PCDH15: variants seen among roughly 807,000 people sequenced by gnomAD.
PCDH15 encodes protocadherin-15.
In PCDH15, 129 loss-of-function variants were observed where a neutral mutation model predicts 178.5. The ratio of observed to expected loss-of-function variants is 0.72; its 90% CI spans 0.63 to 0.84. PCDH15 has a LOEUF of 0.84. Ranked by LOEUF, PCDH15 falls within the 40% of genes least tolerant of loss-of-function variation. The probability of loss-of-function intolerance (pLI) is 0.00; values close to 1 mark genes in which losing one functional copy is unlikely to be tolerated. For synonymous variants in PCDH15, 800 were observed against 732.0 expected (o/e 1.09, Z -1.50); for missense variants, 2,230 against 2,099.9 (o/e 1.06, Z -1.21).
chr10:53,949,816 G>A (rs751664443), intron 23 of PCDH15, among the ~76,000 whole-genome samples: 18 of 152,088 alleles, frequency 1.2e-4, no homozygotes, highest in Non-Finnish European at 2.5e-4. Flanking sequence ...CTGCTCACTT[G>A]CTATTTCTTT....
At chr10:55,550,297 T>C (rs1181892497) in intron 2 of PCDH15, among the ~76,000 whole-genome samples, 1 of 152,198 alleles carries the variant, frequency 6.6e-6, no homozygotes, top group Non-Finnish European at 1.5e-5. Context: ...TTATCTCTCA[T>C]TTAAGGAGAT....
intron 2 of PCDH15, among the ~76,000 whole-genome samples, chr10:54,573,680 T>C (rs1193048353): frequency 1.0e-5 from 1 of 100,108 alleles, no homozygotes; most frequent in African/African-American, 3.5e-5. Context: ...TCACAGCTTC[T>C]ATTAGGTAGC....
intron 27 of PCDH15, among the ~76,000 whole-genome samples, chr10:53,865,352 C>T (rs1037821851): frequency 6.6e-6 from 1 of 151,984 alleles, no homozygotes; most frequent in Non-Finnish European, 1.5e-5. Flanking sequence ...TGAGAGAACA[C>T]AATGGAAGTT....
In PCDH15 at chr10:53,920,382, A is replaced by T. The variant is rs1207347352; in HGVS notation, c.3374-17012T>A. ...TAGTGGATAAATTATGTAAAAGTGCATATAAGTGTATGTATAGATACTATA... is the reference window on the plus strand; with the variant it reads ...TAGTGGATAAATTATGTAAAAGTGCTTATAAGTGTATGTATAGATACTATA... On this transcript the variant is annotated intron_variant, in intron 25 of 37. Coordinates refer to ENST00000644397, the MANE Select transcript of PCDH15 (RefSeq NM_001384140.1). 7.2e-5 allele frequency among the ~76,000 whole-genome samples: 11 copies of T among 152,200 alleles called. No homozygotes were observed. The East Asian group carries it at 2.1e-3, about 29-fold the overall frequency.
chr10:55,548,898 TAA>T (rs960994997), intron 2 of PCDH15, among the ~76,000 whole-genome samples: 4 of 152,096 alleles, frequency 2.6e-5, no homozygotes, highest in African/African-American at 9.6e-5. Flanking sequence ...AAGGTTTGAG[TAA>T]AAGAGATAAA....
intron 3 of PCDH15, among the ~76,000 whole-genome samples, chr10:54,448,540 A>G (rs2136253461): frequency 6.6e-6 from 1 of 151,812 alleles, no homozygotes; most frequent in Middle Eastern, 3.4e-3. Flanking sequence ...CATTAAGAAG[A>G]ATCTAATGGA....
At chr10:55,507,163 T>C (rs898828956) in intron 2 of PCDH15, among the ~76,000 whole-genome samples, 28 of 151,672 alleles carry the variant, frequency 1.8e-4, no homozygotes, top group African/African-American at 5.8e-4. Context: ...CAGGTTATAG[T>C]GGAGATTAAA....
At chr10:54,561,068 A>G (rs1449212125) in intron 2 of PCDH15, among the ~76,000 whole-genome samples, 2 of 152,172 alleles carry the variant, frequency 1.3e-5, no homozygotes, top group Admixed American at 6.6e-5. Flanking sequence ...CAAGAGTAAG[A>G]AAATATGAGA....
intron 2 of PCDH15, among the ~76,000 whole-genome samples, chr10:55,442,023 C>T (rs946344458): frequency 1.4e-4 from 22 of 152,188 alleles, no homozygotes; most frequent in African/African-American, 5.1e-4. Flanking sequence ...TGTAGAGCAA[C>T]TAAAGGGCAT....
At chr10:55,108,048 A>T (rs991319742) in intron 2 of PCDH15, among the ~76,000 whole-genome samples, 1 of 152,162 alleles carries the variant, frequency 6.6e-6, no homozygotes, top group Non-Finnish European at 1.5e-5. Context: ...TAAAGGGATG[A>T]AAAGCCCAGT....
rs114494983 is a variant in PCDH15, at chr10:55,600,395, G to A, written c.-156+27230C>T. Among the ~76,000 whole-genome samples the A allele has an allele frequency of 6.7e-3, 1,019 of 151,950 alleles. 13 individuals are homozygous for A. Among genetic ancestry groups the A allele is most frequent in the African/African-American group, 0.023 (970 of 41,478 alleles). ...AAAAAAAATTGGTTGGGGTGACCTT[G>A]GAGCATAATTCAACCTCCGAAACGA... On this transcript the variant is annotated intron_variant, in intron 2 of 5. Transcript: ENST00000613346.
intron 1 of PCDH15, among the ~76,000 whole-genome samples, chr10:54,763,452 A>T (rs936396263): frequency 5.3e-5 from 8 of 152,034 alleles, no homozygotes; most frequent in Non-Finnish European, 1.2e-4. Flanking sequence ...GGAGAAAATA[A>T]CTCTGGAGAG....
rs149356962 is a variant in PCDH15, at chr10:55,218,904, T to C, written c.-155-52253A>G. Among the ~76,000 whole-genome samples the C allele has an allele frequency of 5.1e-3, 783 of 152,190 alleles. 9 individuals are homozygous for C. The highest frequency in any genetic ancestry group is 0.017 in the African/African-American group (718 of 41,488). On this transcript the variant is annotated intron_variant, in intron 1 of 5. Transcript: ENST00000458638. ...TCCACTTTTTGTGTAAATCATTTTG[T>C]ATTTTTCATATGTAAATGACAGCCA...
chr10:54,618,901 A>C (rs1340603347), intron 2 of PCDH15, among the ~76,000 whole-genome samples: 1 of 152,034 alleles, frequency 6.6e-6, no homozygotes, highest in East Asian at 1.9e-4. Context: ...TATGGAAAAA[A>C]AAATTTGTAT....
At chr10:54,188,985 CA>C (rs1018394844) in intron 11 of PCDH15, among the ~76,000 whole-genome samples, 17 of 151,776 alleles carry the variant, frequency 1.1e-4, no homozygotes, top group African/African-American at 4.1e-4. Context: ...GTATTTAGTT[CA>C]AAAAAATTCA....
intron 1 of PCDH15, among the ~76,000 whole-genome samples, chr10:54,682,004 A>G (rs1190740511): frequency 6.6e-6 from 1 of 152,168 alleles, no homozygotes; most frequent in Non-Finnish European, 1.5e-5. Context: ...AGCTTTGAGG[A>G]TAAAGAGAAT....
rs1290927341 is a variant in PCDH15 at position 54,995,226 on chromosome 10, A to G, written c.-79-97726T>C. On this transcript the variant is annotated intron_variant, in intron 2 of 5. Transcript: ENST00000458638. ...CCTGTCTCTACTAAAAATACCAAAAATTAGCCAAGTGTGGTCATGGGCGCC... is the reference window on the plus strand; with the variant it reads ...CCTGTCTCTACTAAAAATACCAAAAGTTAGCCAAGTGTGGTCATGGGCGCC... Among the ~76,000 whole-genome samples the G allele has an allele frequency of 7.9e-5, 12 of 152,102 alleles. No homozygotes were observed. The East Asian group carries it at 2.3e-3, about 30-fold the overall frequency.
At chr10:55,253,227 T>G (rs1841890145) in intron 1 of PCDH15, among the ~76,000 whole-genome samples, 1 of 128,378 alleles carries the variant, frequency 7.8e-6, no homozygotes, top group Non-Finnish European at 1.7e-5. Flanking sequence ...AGAGAGTATG[T>G]GCGTGTGTGT....
At chr10:54,299,964 CA>C (rs1409717686) in intron 8 of PCDH15, among the ~76,000 whole-genome samples, 1 of 152,150 alleles carries the variant, frequency 6.6e-6, no homozygotes, top group Non-Finnish European at 1.5e-5. Context: ...TAAAAGTTAA[CA>C]GTGTAATATG....
Sources: gnomAD v4.1 joint callset for allele counts (sites outside exome capture counted in the v4.1 genomes callset) on GRCh38, gnomAD v4.1.1 for gene constraint, MANE v1.5 for transcripts, NCBI Gene and HGNC (gene_info 2026-07-23, HGNC 2026-07-21) for gene names.